Variants in EYS observed in about 807,000 individuals in gnomAD.
The protein encoded by EYS is protein eyes shut homolog.
Under a neutral mutation model 282.1 loss-of-function variants are expected in EYS, and 250 were observed. The ratio of observed to expected loss-of-function variants is 0.89; its 90% CI spans 0.80 to 0.98. The LOEUF is 0.98. EYS is among the 50% of genes least tolerant of loss of function. The pLI is 0.00. For synonymous variants in EYS, 1,355 were observed against 1,282.9 expected, an observed-to-expected ratio of 1.06 and a Z score of -1.20; for missense variants, 4,016 against 3,709.0, an observed-to-expected ratio of 1.08 and a Z score of -2.15.
chr6:65,387,211 A>G (rs1372100703), intron 7 of EYS, among the ~76,000 whole-genome samples: 1 of 151,910 alleles, frequency 6.6e-6, no homozygotes, highest in Non-Finnish European at 1.5e-5. Flanking sequence ...CCAGTGACCT[A>G]TGGAATGCAC....
In EYS at chr6:64,104,541, A is replaced by T. The variant is rs189786975; in HGVS notation, c.6425-22539T>A. On this transcript the variant is annotated intron_variant, in intron 31 of 42. Coordinates refer to ENST00000503581, the MANE Select transcript of EYS (RefSeq NM_001142800.2). Reference sequence around the variant, plus strand: ...CTTGCTTCAGGTTGTAGGTGCCTTGAATATGGGATGAACTGAATTTAATGA... The same window carrying T: ...CTTGCTTCAGGTTGTAGGTGCCTTGTATATGGGATGAACTGAATTTAATGA... 1.1e-3 allele frequency among the ~76,000 whole-genome samples: 170 copies of T among 152,224 alleles called. 1 individual carries two copies. Among genetic ancestry groups the T allele is most frequent in the South Asian group, 4.6e-3 (22 of 4,826 alleles).
intron 1 of EYS, among the ~76,000 whole-genome samples, chr6:65,683,340 A>G: frequency 6.6e-6 from 1 of 151,882 alleles, no homozygotes; most frequent in East Asian, 1.9e-4. Flanking sequence ...CTGTCTTTCA[A>G]AGTACTAGGT....
chr6:64,339,056 C>T (rs957972780), intron 29 of EYS, among the ~76,000 whole-genome samples: 1 of 151,922 alleles, frequency 6.6e-6, no homozygotes, highest in Admixed American at 6.6e-5. Context: ...TGGAAAAACC[C>T]TTCTAGACAT....
At chr6:65,129,631 G>A (rs772218274) in intron 12 of EYS, among the ~76,000 whole-genome samples, 1 of 151,588 alleles carries the variant, frequency 6.6e-6, no homozygotes, top group African/African-American at 2.4e-5. Flanking sequence ...CACACCAGTC[G>A]GAATAGCTAT....
intron 33 of EYS, among the ~76,000 whole-genome samples, chr6:64,061,094 T>A (rs1021165738): frequency 6.6e-6 from 1 of 152,154 alleles, no homozygotes; most frequent in Non-Finnish European, 1.5e-5. Context: ...TCTGGATAAA[T>A]CTTTGAGGAA....
At chr6:65,170,894 C>T (rs1434558480) in intron 12 of EYS, among the ~76,000 whole-genome samples, 2 of 151,356 alleles carry the variant, frequency 1.3e-5, no homozygotes, top group African/African-American at 4.8e-5. Context: ...ATTTGTAAGA[C>T]ACAATAAGAT....
At chr6:64,343,278 C>T (rs1369690801) in intron 29 of EYS, among the ~76,000 whole-genome samples, 1 of 151,732 alleles carries the variant, frequency 6.6e-6, no homozygotes, top group Non-Finnish European at 1.5e-5. Flanking sequence ...CACACCACAC[C>T]TATTCCAAAA....
At chr6:64,007,287 G>T (rs931964448) in intron 33 of EYS, among the ~76,000 whole-genome samples, 7 of 151,624 alleles carry the variant, frequency 4.6e-5, no homozygotes, top group Admixed American at 6.6e-5. Context: ...GTGCATAGTG[G>T]TGTTTGAAGT....
intron 12 of EYS, among the ~76,000 whole-genome samples, chr6:65,263,234 A>T (rs1767663787): frequency 6.6e-6 from 1 of 152,020 alleles, no homozygotes; most frequent in South Asian, 2.1e-4. Flanking sequence ...CCAGCTACTC[A>T]GAAGGCTGAA....
In EYS at chr6:63,990,415, T is replaced by C. The variant is rs114731597; in HGVS notation, c.6835-5812A>G. Among the ~76,000 whole-genome samples, 1,110 of 151,780 alleles carry C rather than the reference T, an allele frequency of 7.3e-3. 13 individuals carry two copies. The highest frequency in any genetic ancestry group is 0.025 in the African/African-American group (1,021 of 41,474). On this transcript the variant is annotated intron_variant, in intron 34 of 42. Coordinates refer to ENST00000503581, the MANE Select transcript of EYS (RefSeq NM_001142800.2). The stretch of plus-strand genomic sequence containing the variant: ...TATAGGTCCACTCCCCAACATAGCA[T>C]GGCATGATGAAGAGAAAACTCCCAG...
At chr6:64,994,629 C>T (rs1771184804) in intron 14 of EYS, among the ~76,000 whole-genome samples, 1 of 152,122 alleles carries the variant, frequency 6.6e-6, no homozygotes, top group East Asian at 1.9e-4. Flanking sequence ...CACTTCAAAT[C>T]CTTCACATTT....
intron 14 of EYS, among the ~76,000 whole-genome samples, chr6:64,987,543 T>C (rs2150120316): frequency 6.6e-6 from 1 of 151,614 alleles, no homozygotes; most frequent in East Asian, 1.9e-4. Context: ...CTTCCTTGTT[T>C]TGTGAGTCCT....
chr6:64,705,177 A>G (rs561232099), intron 22 of EYS, among the ~76,000 whole-genome samples: 3 of 152,286 alleles, frequency 2.0e-5, no homozygotes, highest in East Asian at 1.9e-4. Flanking sequence ...TCTGCTATAC[A>G]CCAACAGCGA....
chr6:65,673,134 G>A lies in EYS; in HGVS notation c.-447-33242C>T, dbSNP rs573845282. On this transcript the variant is annotated intron_variant, in intron 1 of 42. Coordinates refer to ENST00000503581, the MANE Select transcript of EYS (RefSeq NM_001142800.2). Reference sequence around the variant, plus strand: ...CACAGGGGATATGATGGCTTAGCTCGGATCAGAGGCCTGACATTCCTGTCT... The same window carrying A: ...CACAGGGGATATGATGGCTTAGCTCAGATCAGAGGCCTGACATTCCTGTCT... Among the ~76,000 whole-genome samples, 9 of 152,152 alleles carry A rather than the reference G, an allele frequency of 5.9e-5. No individual in the cohort carries two copies. The South Asian group carries it at 1.2e-3, about 21-fold the overall frequency.
chr6:64,414,423 A>G (rs1335514052), intron 28 of EYS, among the ~76,000 whole-genome samples: 4 of 152,114 alleles, frequency 2.6e-5, no homozygotes, highest in Non-Finnish European at 5.9e-5. Flanking sequence ...GGCAGCCTTG[A>G]TTCAAAAACC....
chr6:65,405,640 T>A (rs555603093), intron 5 of EYS, among the ~76,000 whole-genome samples: 10 of 152,214 alleles, frequency 6.6e-5, no homozygotes, highest in Non-Finnish European at 1.2e-4. Context: ...TTGTAGTCAA[T>A]CTTTGTACCC....
intron 31 of EYS, among the ~76,000 whole-genome samples, chr6:64,085,611 T>A (rs1772131813): frequency 6.6e-6 from 1 of 152,150 alleles, no homozygotes; most frequent in African/African-American, 2.4e-5. Flanking sequence ...TAAATCTTGC[T>A]TTTAGGTATG....
intron 22 of EYS, among the ~76,000 whole-genome samples, chr6:64,716,133 C>T (rs1771382679): frequency 6.6e-6 from 1 of 152,148 alleles, no homozygotes; most frequent in African/African-American, 2.4e-5. Context: ...AGGTTAAGTT[C>T]AGGTGACATT....
intron 29 of EYS, among the ~76,000 whole-genome samples, chr6:64,353,939 T>C (rs112729814): frequency 4.6e-4 from 70 of 151,592 alleles, no homozygotes; most frequent in African/African-American, 1.6e-3. Context: ...AGAAGTAAAT[T>C]TGTAAATACA....
Sources: gnomAD v4.1 joint callset for allele counts (sites outside exome capture counted in the v4.1 genomes callset) on GRCh38, gnomAD v4.1.1 for gene constraint, MANE v1.5 for transcripts, NCBI Gene and HGNC (gene_info 2026-07-23, HGNC 2026-07-21) for gene names.